The following QSOX1 variants were observed in gnomAD, a reference collection of about 807,000 sequenced individuals.
QSOX1 encodes sulfhydryl oxidase 1.
A neutral mutation model predicts 76.1 loss-of-function variants in QSOX1; 40 were observed. The ratio of observed to expected loss-of-function variants is 0.53; its 90% CI spans 0.41 to 0.68. The LOEUF is 0.68. QSOX1 is among the 30% of genes least tolerant of loss of function. The pLI is 0.00. For synonymous variants in QSOX1, 392 were observed against 413.1 expected (o/e 0.95, Z 0.62); for missense variants, 931 against 974.3 (o/e 0.96, Z 0.59).
chr1:180,191,792 C>T (rs536655092), intron 10 of QSOX1, among the ~76,000 whole-genome samples: 1 of 152,296 alleles, frequency 6.6e-6, no homozygotes, highest in Non-Finnish European at 1.5e-5. Context: ...GGAAGAGAGT[C>T]TCCCAGGCTG....
At chr1:180,164,851 C>A (rs554540584) in intron 1 of QSOX1, among the ~76,000 whole-genome samples, 1 of 152,288 alleles carries the variant, frequency 6.6e-6, no homozygotes, top group South Asian at 2.1e-4. Context: ...CTGTACACAG[C>A]ATCTGCTTAG....
Position 180,196,793 on chromosome 1 carries a change from A to G in QSOX1, c.2000A>G (p.Glu667Gly). The G allele has an allele frequency of 6.2e-7, 1 of 1,613,762 alleles. No homozygotes were observed. The highest frequency in any genetic ancestry group is 8.5e-7 in the Non-Finnish European group (1 of 1,179,724). The change falls in exon 12 of 12, where the codon GAG becomes GGG. Residue 667 changes from glutamate to glycine, a missense_variant. Transcript: ENST00000367602. The surrounding 1 kb of genome is among the most constrained non-coding windows in gnomAD (Gnocchi z 4.1). Reference sequence around the variant, plus strand: ...AAGAACCGCCTCTGGGGCCCTTTGGAGGTCAGGCGCGTGGGCCGCAGCTCC... The same window carrying G: ...AAGAACCGCCTCTGGGGCCCTTTGGGGGTCAGGCGCGTGGGCCGCAGCTCC... The part of the protein sequence containing the change: ...AEKNRLWGPL[E>G]VRRVGRSSKQ...
chr1:180,203,807 T>C lies in QSOX1; in HGVS notation c.*6770T>C, dbSNP rs1183251402. On this transcript the variant is annotated 3_prime_UTR_variant, in exon 12 of 12. Transcript: ENST00000367602. ...CAGATAAGGCAATCCAGTTAAACTGTATATCCCACTTGCTGTTTTCTGTCC... is the reference window on the plus strand; with the variant it reads ...CAGATAAGGCAATCCAGTTAAACTGCATATCCCACTTGCTGTTTTCTGTCC... 7 of 152,226 alleles carry C rather than the reference T, an allele frequency of 4.6e-5. No individual in the cohort carries two copies. The highest frequency in any genetic ancestry group is 1.0e-4 in the Non-Finnish European group (7 of 68,032). The allele number at this position is 152,226 out of a possible 1,614,324, so 9.4% of individuals were successfully genotyped here.
intron 10 of QSOX1, among the ~76,000 whole-genome samples, chr1:180,191,572 G>A (rs1663314630): frequency 6.6e-6 from 1 of 152,266 alleles, no homozygotes; most frequent in South Asian, 2.1e-4. Context: ...CAGCATATGA[G>A]ACAGGTCCCT....
Position 180,196,601 on chromosome 1 carries a change from C to T in QSOX1, c.1808C>T (p.Ala603Val). 6.2e-7 allele frequency: 1 copy of T among 1,614,164 alleles called. No homozygotes were observed. Among genetic ancestry groups the T allele is most frequent in the Non-Finnish European group, 8.5e-7 (1 of 1,180,034 alleles). ...TPHVPAEGPE[A>V]SRPPKLHPGL... ...CATGTGCCGGCTGAGGGACCTGAGG[C>T]AAGTCGACCCCCGAAGCTGCACCCT... The change falls in exon 12 of 12, where the codon GCA (alanine) becomes GTA (valine). Residue 603 changes from alanine (A) to valine (V), a missense_variant. Coordinates refer to ENST00000367602, the MANE Select transcript of QSOX1 (RefSeq NM_002826.5). The surrounding 1 kb of genome is among the most constrained non-coding windows in gnomAD (Gnocchi z 4.1).
In QSOX1 at chr1:180,196,289, C is replaced by T; in HGVS notation, c.1496C>T (p.Pro499Leu). The change falls in exon 12 of 12, where the codon CCC (proline) becomes CTC (leucine). Residue 499 changes from proline to leucine, a missense_variant. By Grantham distance (98) the Pro-to-Leu change is moderately conservative (BLOSUM62 -3). Transcript: ENST00000367602. This position sits in a 1 kb window ranked among gnomAD's most constrained non-coding sequence, Gnocchi z 4.1. The part of the protein sequence containing the change: ...AGAPSEDPQF[P>L]KVQWPPRELC... ...GCCCCCAGCGAGGACCCCCAGTTCC[C>T]CAAGGTGCAGTGGCCACCCCGTGAA... 3 of 1,612,976 alleles carry T rather than the reference C, an allele frequency of 1.9e-6. No homozygotes were observed. Among genetic ancestry groups the T allele is most frequent in the Non-Finnish European group, 2.5e-6 (3 of 1,179,102 alleles).
Position 180,194,343 on chromosome 1 carries a change from T to C in QSOX1, c.1419T>C (p.Ala473=), listed in dbSNP as rs1663404777. The C allele has an allele frequency of 1.2e-6, 2 of 1,601,976 alleles. No individual in the cohort carries two copies. Among genetic ancestry groups the C allele is most frequent in the African/African-American group, 1.3e-5 (1 of 74,882 alleles). ...SMHRVGSPNA[A]VLWLWSSHNR... ...ACCGGGTGGGGAGTCCCAACGCCGC[T>C]GTCCTCTGGCTCTGGTCTAGCCACA... The change falls in exon 11 of 12, where the codon GCT becomes GCC. Residue 473 remains alanine, a synonymous_variant. Transcript: ENST00000367602.
At chr1:180,194,125 T>TG (rs945319099) in intron 10 of QSOX1, 88 bp from the exon 11 acceptor site, 17 of 1,308,714 alleles carry the variant, frequency 1.3e-5, no homozygotes, top group Non-Finnish European at 1.8e-5. Context: ...CACGGCAGGA[T>TG]GGGGGGCGGC....
At position 180,182,303 on chromosome 1, in the gene QSOX1, G is replaced by A. The variant is rs748181022; in HGVS notation, c.736G>A (p.Val246Ile). Residue 246 changes from valine to isoleucine, a missense_variant, in exon 6 of 12, where the codon GTC (valine) becomes ATC (isoleucine). By Grantham distance (29) the Val-to-Ile change is conservative (BLOSUM62 3). Coordinates refer to ENST00000367602, the MANE Select transcript of QSOX1 (RefSeq NM_002826.5). Reference protein sequence around the residue: ...SCYLLFRNGSVSRVPVLMESR... With the variant: ...SCYLLFRNGSISRVPVLMESR... ...CTACCTGCTGTTCCGGAATGGCTCT[G>A]TCTCCCGAGTCCCCGTGTGAGTATC... 6 of 1,614,104 alleles carry A rather than the reference G, an allele frequency of 3.7e-6. No homozygotes were observed. Among genetic ancestry groups the A allele is most frequent in the Middle Eastern group, 1.6e-4 (1 of 6,084 alleles).
At position 180,189,740 on chromosome 1, in the gene QSOX1, C is replaced by G. The variant is rs368849956; in HGVS notation, c.1140+66C>G. 3.8e-3 allele frequency: 5,786 copies of G among 1,532,238 alleles called. 19 individuals carry two copies. The highest frequency in any genetic ancestry group is 0.011 in the Middle Eastern group (65 of 5,684). 94.9% of individuals were successfully genotyped at this position (1,532,238 alleles called of 1,614,324 possible). On this transcript the variant is annotated intron_variant, in intron 9 of 11. Coordinates refer to ENST00000367602, the MANE Select transcript of QSOX1 (RefSeq NM_002826.5). Reference sequence around the variant, plus strand: ...ATTTATGAGAGTGCAAGGGGTTAACCCTGTCATTTCTGACCTTCTTCGCCA... The same window carrying G: ...ATTTATGAGAGTGCAAGGGGTTAACGCTGTCATTTCTGACCTTCTTCGCCA...
At chr1:180,179,155 C>A (rs553765741) in intron 5 of QSOX1, among the ~76,000 whole-genome samples, 1 of 152,352 alleles carries the variant, frequency 6.6e-6, no homozygotes, top group Admixed American at 6.5e-5. Context: ...ACACACGTAG[C>A]TGCTAATCCC....
At chr1:180,178,096 A>AC (rs980034479) in intron 4 of QSOX1, among the ~76,000 whole-genome samples, 12 of 151,538 alleles carry the variant, frequency 7.9e-5, no homozygotes, top group Non-Finnish European at 4.4e-5. Flanking sequence ...GGGTTCTAAT[A>AC]CCCCCCAGCT....
At chr1:180,164,926 G>T (rs1662578327) in intron 1 of QSOX1, among the ~76,000 whole-genome samples, 1 of 152,148 alleles carries the variant, frequency 6.6e-6, no homozygotes, top group Non-Finnish European at 1.5e-5. Flanking sequence ...GGAAGCAGGA[G>T]GGGGTTGGGA....
Position 180,196,718 on chromosome 1 carries a change from T to G in QSOX1, c.1925T>G (p.Leu642Trp). The G allele has an allele frequency of 6.2e-7, 1 of 1,614,044 alleles. No homozygotes were observed. The highest frequency in any genetic ancestry group is 8.5e-7 in the Non-Finnish European group (1 of 1,180,018). ...EQEQPLGQWHLSKRDTGAALL... is the reference protein window; with the variant it reads ...EQEQPLGQWHWSKRDTGAALL... ...GAGCAGCCGCTTGGGCAGTGGCACT[T>G]GAGCAAGCGAGACACAGGGGCTGCA... Residue 642 changes from leucine (L) to tryptophan (W), a missense_variant, in exon 12 of 12, where the codon TTG (leucine) becomes TGG (tryptophan). Physicochemically the swap from Leu to Trp is moderately conservative, Grantham distance 61 (BLOSUM62 -2). Coordinates refer to ENST00000367602, the MANE Select transcript of QSOX1 (RefSeq NM_002826.5). This position sits in a 1 kb window ranked among gnomAD's most constrained non-coding sequence, Gnocchi z 4.1.
In QSOX1 at chr1:180,200,944, G is replaced by A. The variant is rs1345840172; in HGVS notation, c.*3907G>A. 6.6e-6 allele frequency: 1 copy of A among 152,234 alleles called. No individual in the cohort carries two copies. Among genetic ancestry groups the A allele is most frequent in the Non-Finnish European group, 1.5e-5 (1 of 68,048 alleles). The allele number at this position is 152,234 out of a possible 1,614,324, so 9.4% of individuals were successfully genotyped here. A position where few individuals can be genotyped will look rare whatever the true frequency, so the allele number is the denominator to read the frequency against. The stretch of plus-strand genomic sequence containing the variant: ...CACTGTTGTGTGTTGGTGTCAAGGA[G>A]TGGGGACACCCTGAAGGAATCCGCC... On this transcript the variant is annotated 3_prime_UTR_variant, in exon 12 of 12. Coordinates refer to ENST00000367602, the MANE Select transcript of QSOX1 (RefSeq NM_002826.5).
intron 4 of QSOX1, 118 bp downstream of exon 4, chr1:180,176,151 C>G: frequency 3.8e-6 from 3 of 780,732 alleles, no homozygotes; most frequent in African/African-American, 1.7e-5. Context: ...CTGCCTTTGC[C>G]TGTGGGGCTC....
chr1:180,202,623 T>C lies in QSOX1; in HGVS notation c.*5586T>C, dbSNP rs1057408867. 5 of 141,982 alleles carry C rather than the reference T, an allele frequency of 3.5e-5. No individual in the cohort carries two copies. The highest frequency in any genetic ancestry group is 7.5e-5 in the Non-Finnish European group (5 of 66,376). The allele number at this position is 141,982 out of a possible 1,614,324, so 8.8% of individuals were successfully genotyped here. A position where few individuals can be genotyped will look rare whatever the true frequency, so the allele number is the denominator to read the frequency against. On this transcript the variant is annotated 3_prime_UTR_variant, in exon 12 of 12. Transcript: ENST00000367602. ...TTTGGGGGAAAATTCAGGTAAGATCTCACCTTCATACCATATACCAAAATA... is the reference window on the plus strand; with the variant it reads ...TTTGGGGGAAAATTCAGGTAAGATCCCACCTTCATACCATATACCAAAATA...
chr1:180,157,008 T>C (rs1662390519), intron 1 of QSOX1, among the ~76,000 whole-genome samples: 1 of 152,034 alleles, frequency 6.6e-6, no homozygotes, highest in Admixed American at 6.6e-5. Flanking sequence ...CAATGCAGAG[T>C]TTTTAGTTTT....
At chr1:180,179,345 C>T (rs1275359811) in intron 5 of QSOX1, among the ~76,000 whole-genome samples, 1 of 152,194 alleles carries the variant, frequency 6.6e-6, no homozygotes, top group Non-Finnish European at 1.5e-5. Flanking sequence ...CGCCCTAGCC[C>T]CACCGGAGGA....
Sources: gnomAD v4.1 joint callset for allele counts (sites outside exome capture counted in the v4.1 genomes callset) on GRCh38, gnomAD v4.1.1 for gene constraint, Gnocchi (gnomAD v3.1) non-coding constraint, MANE v1.5 for transcripts, NCBI Gene and HGNC (gene_info 2026-07-23, HGNC 2026-07-21) for gene names.